Variants in GPR39 observed in about 807,000 individuals in gnomAD.
GPR39 encodes the protein zinc sensing receptor.
Under a neutral mutation model 18.4 loss-of-function variants are expected in GPR39, and 23 were observed. That is an observed-to-expected ratio of 1.25 (90% CI 0.90 to 1.77). The LOEUF (loss-of-function observed/expected upper bound fraction) is 1.77. GPR39 is among the 40% of genes most tolerant of loss of function. The pLI is 0.00. For missense variants in GPR39, 647 were observed against 602.4 expected (o/e 1.07, Z -0.78); for synonymous variants, 280 against 257.9 (o/e 1.09, Z -0.82).
At chr2:132,437,802 G>A (rs1680353234) in intron 1 of GPR39, among the ~76,000 whole-genome samples, 1 of 152,150 alleles carries the variant, frequency 6.6e-6, no homozygotes, top group Non-Finnish European at 1.5e-5. Context: ...GGGAGAATTA[G>A]GGGCAGGTCC....
At chr2:132,528,461 G>T (rs577957706) in intron 1 of GPR39, among the ~76,000 whole-genome samples, 1 of 152,252 alleles carries the variant, frequency 6.6e-6, no homozygotes, top group South Asian at 2.1e-4. Context: ...TTCTAATTCT[G>T]TGAAGAATGT....
chr2:132,562,194 A>G (rs975767818), intron 1 of GPR39, among the ~76,000 whole-genome samples: 2 of 151,920 alleles, frequency 1.3e-5, no homozygotes, highest in Non-Finnish European at 2.9e-5. Context: ...TCCATCGTGC[A>G]TCCAAGGTTA....
At chr2:132,427,135 T>TATATAATATACATATATAGGTAC in intron 1 of GPR39, among the ~76,000 whole-genome samples, 1 of 30,898 alleles carries the variant, frequency 3.2e-5, no homozygotes, top group Admixed American at 3.6e-4. Context: ...TAGGTACATA[T>TATATAATATACATATATAGGTAC]ATATATATAT....
At chr2:132,594,456 T>C (rs1207343794) in intron 1 of GPR39, among the ~76,000 whole-genome samples, 2 of 152,000 alleles carry the variant, frequency 1.3e-5, no homozygotes, top group African/African-American at 4.8e-5. Context: ...TTAGAACTGA[T>C]TTTGCTTGGT....
intron 1 of GPR39, among the ~76,000 whole-genome samples, chr2:132,499,585 T>C (rs1468798269): frequency 3.4e-4 from 51 of 152,136 alleles, no homozygotes; most frequent in Admixed American, 3.3e-3. Context: ...ATTTTAGGAT[T>C]GTTTTTCCTA....
chr2:132,602,644 AGAG>A (rs1234129747), intron 1 of GPR39, among the ~76,000 whole-genome samples: 1 of 152,142 alleles, frequency 6.6e-6, no homozygotes, highest in Non-Finnish European at 1.5e-5. Flanking sequence ...ACATCCAGCA[AGAG>A]ACTAATATCC....
intron 1 of GPR39, among the ~76,000 whole-genome samples, chr2:132,550,894 C>A (rs1312892940): frequency 1.3e-5 from 2 of 152,046 alleles, no homozygotes; most frequent in Non-Finnish European, 2.9e-5. Flanking sequence ...TAGATTTTTA[C>A]CATGTGTAAT....
chr2:132,542,089 C>A (rs1278641817), intron 1 of GPR39, among the ~76,000 whole-genome samples: 1 of 152,132 alleles, frequency 6.6e-6, no homozygotes, highest in African/African-American at 2.4e-5. Flanking sequence ...TAAGGCACCA[C>A]TTCCTAATAC....
intron 1 of GPR39, among the ~76,000 whole-genome samples, chr2:132,553,612 G>T (rs373350261): frequency 5.3e-4 from 81 of 152,146 alleles, no homozygotes; most frequent in African/African-American, 1.9e-3. Context: ...CTGAATGGTG[G>T]CTGCCCTGAG....
chr2:132,422,185 T>G (rs1036078379), intron 1 of GPR39, among the ~76,000 whole-genome samples: 9 of 152,192 alleles, frequency 5.9e-5, no homozygotes, highest in Admixed American at 5.2e-4. Context: ...TCTTTGTTAT[T>G]TAAATCACCC....
chr2:132,565,038 C>T (rs377188034), intron 1 of GPR39, among the ~76,000 whole-genome samples: 8 of 151,708 alleles, frequency 5.3e-5, no homozygotes, highest in African/African-American at 1.7e-4. Flanking sequence ...AGGATGGTCT[C>T]GAACTCCTGA....
Position 132,645,647 on chromosome 2 carries a change from G to C in GPR39, c.*41G>C. 1.3e-6 allele frequency: 2 copies of C among 1,574,640 alleles called. No homozygotes were observed. The highest frequency in any genetic ancestry group is 1.7e-6 in the Non-Finnish European group (2 of 1,162,314). On this transcript the variant is annotated 3_prime_UTR_variant, in exon 2 of 2. Coordinates refer to ENST00000329321, the MANE Select transcript of GPR39 (RefSeq NM_001508.3). ...GCCTTGAGTGGGAACTGGCCCTCCA[G>C]CCCTAAGAAAACGTCACTCTCACTC... is the stretch of plus-strand genomic sequence containing the variant.
At chr2:132,425,104 C>T (rs760709816) in intron 1 of GPR39, among the ~76,000 whole-genome samples, 1 of 152,204 alleles carries the variant, frequency 6.6e-6, no homozygotes, top group Admixed American at 6.5e-5. Flanking sequence ...TCTCCAGCTA[C>T]GACCAACTCA....
intron 1 of GPR39, among the ~76,000 whole-genome samples, chr2:132,534,881 C>T (rs950733395): frequency 6.6e-6 from 1 of 151,860 alleles, no homozygotes; most frequent in East Asian, 1.9e-4. Flanking sequence ...GGAGATATAC[C>T]TAATGCTAAA....
intron 1 of GPR39, among the ~76,000 whole-genome samples, chr2:132,427,131 C>CAT (rs199931479): frequency 0.075 from 5,986 of 80,094 alleles, 259 homozygotes; most frequent in Non-Finnish European, 0.086. Context: ...TATATAGGTA[C>CAT]ATATATATAT....
intron 1 of GPR39, among the ~76,000 whole-genome samples, chr2:132,619,340 A>G (rs1681394150): frequency 6.6e-6 from 1 of 152,134 alleles, no homozygotes; most frequent in Non-Finnish European, 1.5e-5. Context: ...GGCCCTCGCA[A>G]CAGGCTCCAT....
Position 132,645,964 on chromosome 2 carries a change from A to G in GPR39, c.*358A>G, listed in dbSNP as rs1682046877. 2 of 1,079,876 alleles carry G rather than the reference A, an allele frequency of 1.9e-6. No homozygotes were observed. Among genetic ancestry groups the G allele is most frequent in the East Asian group, 2.5e-5 (1 of 39,306 alleles). The allele number at this position is 1,079,876 out of a possible 1,614,324, so 66.9% of individuals were successfully genotyped here. A position where few individuals can be genotyped will look rare whatever the true frequency, so the allele number is the denominator to read the frequency against. ...CTACCCAGAATAAAAGGACACCCAG[A>G]AGAAACTCACTCAGGGAGGTGGGGG... On this transcript the variant is annotated 3_prime_UTR_variant, in exon 2 of 2. Transcript: ENST00000329321.
chr2:132,589,505 C>T (rs763923988), intron 1 of GPR39, among the ~76,000 whole-genome samples: 2 of 152,186 alleles, frequency 1.3e-5, no homozygotes, highest in Non-Finnish European at 2.9e-5. Flanking sequence ...CTAATAGGCA[C>T]TATGCTCCTC....
intron 1 of GPR39, among the ~76,000 whole-genome samples, chr2:132,424,978 G>A (rs906589003): frequency 2.2e-4 from 33 of 152,084 alleles, no homozygotes; most frequent in African/African-American, 5.6e-4. Flanking sequence ...GGCCCAAACC[G>A]CCCCCATGTT....
Sources: allele counts gnomAD v4.1 joint callset (sites outside exome capture counted in the v4.1 genomes callset), GRCh38; gene constraint gnomAD v4.1.1; transcripts MANE v1.5; gene names NCBI Gene and HGNC (gene_info 2026-07-23, HGNC 2026-07-21).